The following ACACA variants were observed in gnomAD, a reference collection of about 807,000 sequenced individuals.
ACACA encodes the protein acetyl-CoA carboxylase alpha, also known as acetyl-CoA carboxylase 1.
ACACA carries 103 observed loss-of-function variants against 296.1 expected under a neutral mutation model. The observed-to-expected ratio is 0.35, with a 90% CI of 0.30 to 0.41. The LOEUF is 0.41. Among genes scored for constraint, ACACA ranks in the 10% least tolerant of loss-of-function variants. ACACA has a pLI of 1.00. For missense variants in ACACA, 1,554 were observed against 2,989.7 expected (o/e 0.52, Z 11.20); for synonymous variants, 953 against 1,038.6 (o/e 0.92, Z 1.58).
chr17:37,356,198 A>G lies in ACACA; in HGVS notation c.39-16348T>C, dbSNP rs544119223. On this transcript the variant is annotated intron_variant, in intron 1 of 55. Transcript: ENST00000616317. Reference sequence around the variant, plus strand: ...AATAATAAAATAAAATTAAATTGAAACAAGCAAAAAACCAGTTAATAATCT... The same window carrying G: ...AATAATAAAATAAAATTAAATTGAAGCAAGCAAAAAACCAGTTAATAATCT... Among the ~76,000 whole-genome samples, 13 of 152,232 alleles carry G rather than the reference A, an allele frequency of 8.5e-5. No homozygotes were observed. The East Asian group carries it at 1.5e-3, about 18-fold the overall frequency.
At chr17:37,361,650 G>A (rs2049409987) in intron 1 of ACACA, among the ~76,000 whole-genome samples, 2 of 152,192 alleles carry the variant, frequency 1.3e-5, no homozygotes, top group Admixed American at 1.3e-4. Context: ...GCAAAGAGCT[G>A]TGTCTTTAAG....
rs969574051 is a variant in ACACA, at chr17:37,086,975, G to T, written c.*341C>A. On this transcript the variant is annotated 3_prime_UTR_variant, in exon 56 of 56. Coordinates refer to ENST00000616317, the MANE Select transcript of ACACA (RefSeq NM_198834.3). ...GCTTCCCCATGCTGGGAGGCCAAGGGGCTGTCAGGACAGGAGGGGCAGCCC... is the reference window on the plus strand; with the variant it reads ...GCTTCCCCATGCTGGGAGGCCAAGGTGCTGTCAGGACAGGAGGGGCAGCCC... The T allele has an allele frequency of 1.6e-5, 6 of 380,388 alleles. No individual in the cohort carries two copies. In the Admixed American group the frequency reaches 2.3e-4, roughly 14 times the overall value. 23.6% of individuals were successfully genotyped at this position (380,388 alleles called of 1,614,324 possible).
In ACACA at chr17:37,210,467, C is replaced by T; in HGVS notation, c.3707G>A (p.Arg1236Lys). ...GGAAAAGAAACTAAACATACGGTAC[C>T]TGTTTAGCGTAGGGATGTTCCCTCT... ...PNRGNIPTLN[R>K]MSFSSNLNHY... Residue 1236 changes from arginine to lysine, a missense_variant and splice_region_variant, in exon 30 of 56, where the codon AGA becomes AAA. Physicochemically the swap from Arg to Lys is conservative, Grantham distance 26 (BLOSUM62 2). This residue lies in a region of ACACA where 179 missense variants were observed against 283.2 expected (regional missense o/e 0.63). Coordinates refer to ENST00000616317, the MANE Select transcript of ACACA (RefSeq NM_198834.3). 1 of 1,612,240 alleles carries T rather than the reference C, an allele frequency of 6.2e-7. No individual in the cohort carries two copies. Among genetic ancestry groups the T allele is most frequent in the Non-Finnish European group, 8.5e-7 (1 of 1,178,548 alleles).
intron 9 of ACACA, among the ~76,000 whole-genome samples, chr17:37,271,151 T>C (rs2082049133): frequency 6.6e-6 from 1 of 152,220 alleles, no homozygotes; most frequent in Admixed American, 6.5e-5. Context: ...AACAAAATTA[T>C]ATATGCATTC....
intron 3 of ACACA, 127 bp downstream of exon 3, chr17:37,330,046 C>CT (rs898645986): frequency 3.3e-6 from 4 of 1,215,832 alleles, no homozygotes; most frequent in Admixed American, 1.8e-5. Flanking sequence ...CTCAACAAAG[C>CT]TTTGAGTTCA....
At chr17:37,096,213 T>C (rs1330845066) in intron 54 of ACACA, among the ~76,000 whole-genome samples, 1 of 152,180 alleles carries the variant, frequency 6.6e-6, no homozygotes, top group Admixed American at 6.5e-5. Context: ...AATCAGAGCA[T>C]GTCACTCCAC....
intron 54 of ACACA, among the ~76,000 whole-genome samples, chr17:37,094,160 T>C (rs1050904111): frequency 2.6e-5 from 4 of 152,302 alleles, no homozygotes; most frequent in Non-Finnish European, 4.4e-5. Flanking sequence ...TAAGGAGCTG[T>C]AGTGATGCTT....
intron 41 of ACACA, among the ~76,000 whole-genome samples, chr17:37,177,268 TCGTG>T (rs1208148396): frequency 3.3e-4 from 35 of 107,692 alleles, no homozygotes; most frequent in African/African-American, 1.5e-3. Context: ...TTTAAAAAAT[TCGTG>T]TGTGTGTGTG....
chr17:37,101,096 A>AAC (rs1555545752), intron 52 of ACACA, among the ~76,000 whole-genome samples: 67 of 150,568 alleles, frequency 4.4e-4, no homozygotes, highest in Middle Eastern at 3.4e-3. Flanking sequence ...GAAAAAAAAA[A>AAC]AAAAAAAAAG....
rs565435362 is a variant in ACACA, at chr17:37,365,408, C to T, written c.39-25558G>A. On this transcript the variant is annotated intron_variant, in intron 1 of 55. Coordinates refer to ENST00000616317, the MANE Select transcript of ACACA (RefSeq NM_198834.3). ...AGGACTAGGTATTTCTATTAGTAAG[C>T]GCTTCATTGACTGAAATAAAGATTA... The T allele has an allele frequency of 1.2e-5, 12 of 973,000 alleles. No individual in the cohort carries two copies. In the East Asian group the frequency reaches 5.7e-4, roughly 46 times the overall value. 60.3% of individuals were successfully genotyped at this position (973,000 alleles called of 1,614,324 possible).
At chr17:37,224,303 A>C (rs2079435995) in intron 27 of ACACA, among the ~76,000 whole-genome samples, 1 of 152,244 alleles carries the variant, frequency 6.6e-6, no homozygotes, top group Non-Finnish European at 1.5e-5. Context: ...TAACCAAATA[A>C]GAAAAAACAT....
chr17:37,331,854 G>A (rs1451641070), intron 2 of ACACA, among the ~76,000 whole-genome samples: 8 of 151,468 alleles, frequency 5.3e-5, no homozygotes, highest in African/African-American at 1.2e-4. Flanking sequence ...TGAATTTTAC[G>A]TATGTGTATA....
chr17:37,145,297 T>G (rs1165560045), intron 45 of ACACA, among the ~76,000 whole-genome samples: 7 of 152,148 alleles, frequency 4.6e-5, no homozygotes, highest in African/African-American at 7.2e-5. Context: ...GTTCCCCAAG[T>G]ACACAGGTTA....
At position 37,226,351 on chromosome 17, in the gene ACACA, A is replaced by C; in HGVS notation, c.3348T>G (p.Leu1116=). ...CAAATGTCCTTACCTGGCGTGCTCG[A>C]AGTGCTACTTTGGCATTGGTGGTCT... The part of the protein sequence containing the change: ...LSKTTNAKVA[L]RARQVLIASH... The change falls in exon 26 of 56, where the codon CTT becomes CTG. Residue 1116 remains leucine (L), a synonymous_variant. Coordinates refer to ENST00000616317, the MANE Select transcript of ACACA (RefSeq NM_198834.3). 6.2e-7 allele frequency: 1 copy of C among 1,613,884 alleles called. No homozygotes were observed. The highest frequency in any genetic ancestry group is 8.5e-7 in the Non-Finnish European group (1 of 1,179,744).
At chr17:37,095,995 C>G (rs2072965069) in intron 54 of ACACA, among the ~76,000 whole-genome samples, 1 of 152,144 alleles carries the variant, frequency 6.6e-6, no homozygotes. Context: ...CGAGCCCTCT[C>G]TGTGAGATCA....
chr17:37,305,898 TTTTTTG>T (rs1450160179), intron 3 of ACACA, among the ~76,000 whole-genome samples: 3 of 96,390 alleles, frequency 3.1e-5, no homozygotes, highest in African/African-American at 1.4e-4. Context: ...AGCAGTTTTT[TTTTTTG>T]TTTTTTTTTT....
At chr17:37,355,677 G>A (rs2049107036) in intron 1 of ACACA, among the ~76,000 whole-genome samples, 2 of 151,870 alleles carry the variant, frequency 1.3e-5, no homozygotes, top group South Asian at 4.1e-4. Flanking sequence ...CCAACATGGA[G>A]AAACCCCATC....
chr17:37,099,507 C>T (rs1434622688), intron 52 of ACACA, among the ~76,000 whole-genome samples: 8 of 135,170 alleles, frequency 5.9e-5, no homozygotes, highest in African/African-American at 1.1e-4. Context: ...GGGAGGAGGG[C>T]TGATAGCAGG....
At chr17:37,115,496 C>T (rs1416685483) in intron 50 of ACACA, among the ~76,000 whole-genome samples, 1 of 151,968 alleles carries the variant, frequency 6.6e-6, no homozygotes, top group Non-Finnish European at 1.5e-5. Flanking sequence ...AAAAGTCATT[C>T]TACCTGAAAA....
Sources: gnomAD v4.1 joint callset for allele counts (sites outside exome capture counted in the v4.1 genomes callset) on GRCh38, gnomAD v4.1.1 for gene constraint, gnomAD v4.1.1 regional missense constraint, MANE v1.5 for transcripts, NCBI Gene and HGNC (gene_info 2026-07-23, HGNC 2026-07-21) for gene names.